DYSF: variants seen among roughly 807,000 people sequenced by gnomAD.
The protein encoded by DYSF is dystrophy-associated fer-1-like 1.
Under a neutral mutation model 274.9 loss-of-function variants are expected in DYSF, and 212 were observed. The ratio of observed to expected loss-of-function variants is 0.77; its 90% CI spans 0.69 to 0.86. The LOEUF (loss-of-function observed/expected upper bound fraction) is 0.86. DYSF is among the 40% of genes least tolerant of loss of function. The pLI is 0.00. For synonymous variants in DYSF, 1,091 were observed against 1,078.7 expected (o/e 1.01, Z -0.22); for missense variants, 2,666 against 2,783.2 (o/e 0.96, Z 0.95).
At chr2:71,604,554 G>C (rs540289840) in intron 36 of DYSF, among the ~76,000 whole-genome samples, 21 of 152,314 alleles carry the variant, frequency 1.4e-4, no homozygotes, top group African/African-American at 4.8e-4. Flanking sequence ...GGGTGTGTTG[G>C]GGAGCTGTCT....
intron 16 of DYSF, among the ~76,000 whole-genome samples, chr2:71,535,666 G>A (rs1367587151): frequency 1.3e-5 from 2 of 152,136 alleles, no homozygotes. Context: ...ACTAAGGGAA[G>A]GGTCTGAAAA....
At chr2:71,584,219 C>A (rs1286238987) in intron 30 of DYSF, among the ~76,000 whole-genome samples, 2 of 151,884 alleles carry the variant, frequency 1.3e-5, no homozygotes, top group Non-Finnish European at 2.9e-5. Context: ...GGGCAGAAAC[C>A]AGGGCATCAG....
At chr2:71,604,035 T>G (rs1034218900) in intron 36 of DYSF, among the ~76,000 whole-genome samples, 1 of 151,184 alleles carries the variant, frequency 6.6e-6, no homozygotes, top group Non-Finnish European at 1.5e-5. Context: ...AGGCTGAGGG[T>G]GGGTGTGGGT....
intron 23 of DYSF, among the ~76,000 whole-genome samples, chr2:71,562,293 C>T (rs1212251440): frequency 2.6e-5 from 4 of 152,148 alleles, no homozygotes; most frequent in Non-Finnish European, 5.9e-5. Context: ...CCCAGGTTCC[C>T]GACTCCTACT....
In DYSF at chr2:71,598,733, C is replaced by T; in HGVS notation, c.3744C>T (p.Asp1248=). ...CCAGCATTGTGGTGGAGCTGTACGA[C>T]CATGACACTTATGTGAGTCTGCCCA... ...QPPSIVVELY[D]HDTYGADEFM... Residue 1248 remains aspartate, a synonymous_variant, in exon 33 of 56, where the codon GAC becomes GAT. Transcript: ENST00000410020. 5.0e-6 allele frequency: 8 copies of T among 1,612,726 alleles called. No homozygotes were observed. Among genetic ancestry groups the T allele is most frequent in the Non-Finnish European group, 6.8e-6 (8 of 1,180,014 alleles).
chr2:71,594,747 T>C (rs1001631793), intron 32 of DYSF, among the ~76,000 whole-genome samples: 1 of 152,212 alleles, frequency 6.6e-6, no homozygotes, highest in Non-Finnish European at 1.5e-5. Context: ...CCCTTTTCCT[T>C]GGTCTGCACG....
intron 10 of DYSF, among the ~76,000 whole-genome samples, chr2:71,519,972 C>T (rs1388297495): frequency 6.6e-6 from 1 of 151,920 alleles, no homozygotes; most frequent in Admixed American, 6.6e-5. Flanking sequence ...CTCCTTTCCT[C>T]TTTCTTTTCT....
chr2:71,637,516 A>G (rs1008350369), intron 41 of DYSF, among the ~76,000 whole-genome samples: 1 of 152,134 alleles, frequency 6.6e-6, no homozygotes, highest in Non-Finnish European at 1.5e-5. Flanking sequence ...GGCAGGTGGT[A>G]TCAGGAGAAG....
rs369415345 is a variant in DYSF at position 71,508,966 on chromosome 2, C to T, written c.346-2841C>T. Among the ~76,000 whole-genome samples, 445 of 152,316 alleles carry T rather than the reference C, an allele frequency of 2.9e-3. 1 individual carries two copies. Among genetic ancestry groups the T allele is most frequent in the African/African-American group, 9.8e-3 (407 of 41,570 alleles). On this transcript the variant is annotated intron_variant, in intron 4 of 55. Transcript: ENST00000410020. ...CTCCCGGGTTCAACCAATCCTCCCA[C>T]CTCAGCCTCCCAAGTAGCTGGGATT... is the stretch of plus-strand genomic sequence containing the variant.
At chr2:71,675,478 T>C (rs1488239450) in intron 52 of DYSF, among the ~76,000 whole-genome samples, 1 of 152,130 alleles carries the variant, frequency 6.6e-6, no homozygotes, top group East Asian at 1.9e-4. Flanking sequence ...AGCTGAGCCC[T>C]GGGGCCCCTG....
intron 36 of DYSF, among the ~76,000 whole-genome samples, chr2:71,603,852 T>TA (rs1222730439): frequency 3.3e-5 from 5 of 151,352 alleles, no homozygotes; most frequent in Admixed American, 6.6e-5. Context: ...GATGAGTTAT[T>TA]AAAAAAAAAG....
chr2:71,578,176 C>G (rs991888377), intron 30 of DYSF, among the ~76,000 whole-genome samples: 3 of 152,172 alleles, frequency 2.0e-5, no homozygotes, highest in Admixed American at 2.0e-4. Context: ...CCGAGAATCT[C>G]TGTGTCTAAC....
chr2:71,477,566 G>A (rs953071244), intron 1 of DYSF, among the ~76,000 whole-genome samples: 15 of 152,192 alleles, frequency 9.9e-5, no homozygotes, highest in African/African-American at 3.6e-4. Context: ...TAATGTATGA[G>A]TGTAATTTTT....
At chr2:71,674,708 C>T (rs1466768062) in intron 52 of DYSF, among the ~76,000 whole-genome samples, 3 of 152,218 alleles carry the variant, frequency 2.0e-5, no homozygotes, top group East Asian at 1.9e-4. Context: ...AGTGAACAAA[C>T]CCAGGCTCTA....
Position 71,466,877 on chromosome 2 carries a change from T to G in DYSF, c.35T>G (p.Leu12Arg). ...LCCLLVRASN[L>R]PSAKKDRRSD... Reference sequence around the variant, plus strand: ...TGCCTGCTGGTGAGGGCCAGCAACCTCCCCAGTGCGAAGAAGGACCGGCGC... The same window carrying G: ...TGCCTGCTGGTGAGGGCCAGCAACCGCCCCAGTGCGAAGAAGGACCGGCGC... The change falls in exon 1 of 56, where the codon CTC becomes CGC. Residue 12 changes from leucine to arginine, a missense_variant. Physicochemically the swap from Leu to Arg is moderately radical, Grantham distance 102. Around this residue, in one of 3 missense-constraint regions of DYSF, gnomAD observed 794 missense variants for 777.1 expected, o/e 1.02. Coordinates refer to ENST00000410020, the MANE Select transcript of DYSF (RefSeq NM_001130987.2). 1 of 1,548,504 alleles carries G rather than the reference T, an allele frequency of 6.5e-7. No individual in the cohort carries two copies. The highest frequency in any genetic ancestry group is 8.7e-7 in the Non-Finnish European group (1 of 1,144,798).
intron 33 of DYSF, 139 bp from the exon 34 acceptor site, chr2:71,600,563 T>C (rs1284146250): frequency 8.3e-7 from 1 of 1,207,714 alleles, no homozygotes; most frequent in African/African-American, 1.5e-5. Context: ...AGAGCAGAAT[T>C]CACCATTCTG....
upstream of DYSF, chr2:71,466,572 GC>G (rs1485420265): frequency 1.8e-6 from 2 of 1,086,694 alleles, no homozygotes; most frequent in Admixed American, 4.6e-5. Context: ...ACCCCCACAG[GC>G]GCCCGTCTGA....
At chr2:71,528,215 C>A in intron 13 of DYSF, 83 bp from the exon 14 acceptor site, 1 of 1,261,492 alleles carries the variant, frequency 7.9e-7, no homozygotes, top group Non-Finnish European at 1.1e-6. Flanking sequence ...AGTCCCAGGA[C>A]TGCCTGGAGA....
At position 71,611,364 on chromosome 2, in the gene DYSF, G is replaced by C; in HGVS notation, c.4059+18G>C. 6.2e-7 allele frequency: 1 copy of C among 1,612,534 alleles called. No homozygotes were observed. The highest frequency in any genetic ancestry group is 1.1e-5 in the South Asian group (1 of 91,070). The stretch of plus-strand genomic sequence containing the variant: ...CCATCGAGGTGAGCCGTCCGGGCCT[G>C]GGCGTGGGGGCTGGGAGCAGCCTGC... On this transcript the variant is annotated intron_variant, in intron 37 of 55. Coordinates refer to ENST00000410020, the MANE Select transcript of DYSF (RefSeq NM_001130987.2).
Sources: gnomAD v4.1 joint callset for allele counts (sites outside exome capture counted in the v4.1 genomes callset) on GRCh38, gnomAD v4.1.1 for gene constraint, gnomAD v4.1.1 regional missense constraint, MANE v1.5 for transcripts, NCBI Gene and HGNC (gene_info 2026-07-23, HGNC 2026-07-21) for gene names.